SPATA17: variants seen among roughly 807,000 people sequenced by gnomAD.
SPATA17 encodes spermatogenesis-associated protein 17.
SPATA17 carries 53 observed loss-of-function variants against 62.2 expected under a neutral mutation model. The observed-to-expected ratio is 0.85, with a 90% CI of 0.68 to 1.07. SPATA17 has a LOEUF of 1.07. Among genes scored for constraint, SPATA17 ranks in the 50% least tolerant of loss-of-function variants. The pLI is 0.00. For synonymous variants in SPATA17, 146 were observed against 146.8 expected (o/e 0.99, Z 0.04); for missense variants, 466 against 425.5 (o/e 1.10, Z -0.84).
rs1471428147 is a variant in SPATA17, at chr1:217,867,364, T to G, written c.*345T>G. The G allele has an allele frequency of 6.6e-6, 1 of 152,128 alleles. No individual in the cohort carries two copies. Among genetic ancestry groups the G allele is most frequent in the Non-Finnish European group, 1.5e-5 (1 of 68,030 alleles). 9.4% of individuals were successfully genotyped at this position (152,128 alleles called of 1,614,324 possible). A position where few individuals can be genotyped will look rare whatever the true frequency, so the allele number is the denominator to read the frequency against. ...ATGACACCAGTGCTGGGTACCCAAA[T>G]TAAGGGCGACTAACATGTAAGTAGG... On this transcript the variant is annotated 3_prime_UTR_variant, in exon 11 of 11. Coordinates refer to ENST00000366933, the MANE Select transcript of SPATA17 (RefSeq NM_138796.4).
intron 3 of SPATA17, among the ~76,000 whole-genome samples, chr1:217,664,745 CTTTTA>C (rs1670655208): frequency 6.6e-6 from 1 of 151,994 alleles, no homozygotes; most frequent in Non-Finnish European, 1.5e-5. Flanking sequence ...GAAATGGGTT[CTTTTA>C]TTTATTTATT....
Position 217,651,145 on chromosome 1 carries a change from C to G in SPATA17, c.207C>G (p.Phe69Leu). The change falls in exon 3 of 11, where the codon TTC becomes TTG. Residue 69 changes from phenylalanine (F) to leucine (L), a missense_variant. Coordinates refer to ENST00000366933, the MANE Select transcript of SPATA17 (RefSeq NM_138796.4). ...VTIIQKWWRS[F>L]LGRKQYQLTV... ...TTATTCAAAAATGGTGGAGAAGTTT[C>G]TTAGGCAGAAAGCAATATCAACTAA... is the stretch of plus-strand genomic sequence containing the variant. 6.2e-7 allele frequency: 1 copy of G among 1,609,630 alleles called. No homozygotes were observed. The highest frequency in any genetic ancestry group is 8.5e-7 in the Non-Finnish European group (1 of 1,178,856).
chr1:217,777,766 C>T (rs1673629183), intron 7 of SPATA17, among the ~76,000 whole-genome samples: 1 of 152,026 alleles, frequency 6.6e-6, no homozygotes, highest in Non-Finnish European at 1.5e-5. Context: ...TCATTCGTTC[C>T]TTTACTAAAC....
chr1:217,742,133 CA>C, intron 6 of SPATA17, 35 bp downstream of exon 6: 1 of 1,611,088 alleles, frequency 6.2e-7, no homozygotes, highest in Non-Finnish European at 8.5e-7. Flanking sequence ...TCCTGTAAGC[CA>C]CTTGGGCCCC....
At chr1:217,812,397 A>C (rs190315848) in intron 9 of SPATA17, among the ~76,000 whole-genome samples, 1 of 152,126 alleles carries the variant, frequency 6.6e-6, no homozygotes, top group Non-Finnish European at 1.5e-5. Context: ...AAATAATACT[A>C]TTTTTCTCAA....
Position 217,871,449 on chromosome 1 carries a change from G to A in SPATA17, c.*4430G>A, listed in dbSNP as rs1676127418. 1 of 151,536 alleles carries A rather than the reference G, an allele frequency of 6.6e-6. No homozygotes were observed. The highest frequency in any genetic ancestry group is 1.5e-5 in the Non-Finnish European group (1 of 67,892). The allele number at this position is 151,536 out of a possible 1,614,324, so 9.4% of individuals were successfully genotyped here. ...TTTATTTTCACTTCCATTTTAAGCT[G>A]GCTCAAAGCCTTTTAGGAACAATAA... On this transcript the variant is annotated 3_prime_UTR_variant, in exon 11 of 11. Coordinates refer to ENST00000366933, the MANE Select transcript of SPATA17 (RefSeq NM_138796.4).
At chr1:217,778,347 C>G (rs1388158142) in intron 7 of SPATA17, among the ~76,000 whole-genome samples, 1 of 151,960 alleles carries the variant, frequency 6.6e-6, no homozygotes, top group African/African-American at 2.4e-5. Flanking sequence ...ATGGTGAAAC[C>G]CTGCCTCTAC....
intron 8 of SPATA17, among the ~76,000 whole-genome samples, chr1:217,801,271 A>G (rs1431824669): frequency 6.6e-6 from 1 of 152,176 alleles, no homozygotes; most frequent in Non-Finnish European, 1.5e-5. Flanking sequence ...AACTGCTACC[A>G]CTACCAATAA....
chr1:217,862,934 A>C, intron 10 of SPATA17, 78 bp downstream of exon 10: 2 of 871,186 alleles, frequency 2.3e-6, no homozygotes, highest in Non-Finnish European at 3.5e-6. Context: ...TGACTTAACT[A>C]TCAAGCATTT....
intron 5 of SPATA17, among the ~76,000 whole-genome samples, chr1:217,732,727 C>T (rs1672427828): frequency 6.6e-6 from 1 of 152,008 alleles, no homozygotes; most frequent in Admixed American, 6.6e-5. Flanking sequence ...AATATCTGCC[C>T]CCTACCAACC....
intron 9 of SPATA17, among the ~76,000 whole-genome samples, chr1:217,819,032 G>C (rs1558063759): frequency 6.6e-6 from 1 of 150,760 alleles, no homozygotes; most frequent in African/African-American, 2.4e-5. Context: ...TGTCTTTCTG[G>C]TTTTGGGTAC....
intron 5 of SPATA17, among the ~76,000 whole-genome samples, chr1:217,696,524 A>G (rs1379605977): frequency 2.0e-5 from 3 of 152,074 alleles, no homozygotes; most frequent in South Asian, 2.1e-4. Context: ...GCTCCTCCCC[A>G]AAAGTACTAT....
chr1:217,661,803 G>C (rs751036497), intron 3 of SPATA17, among the ~76,000 whole-genome samples: 2 of 152,064 alleles, frequency 1.3e-5, no homozygotes, highest in African/African-American at 4.8e-5. Context: ...CATGTGCTCA[G>C]TGCACATGCA....
chr1:217,641,882 C>T (rs1019737852), intron 1 of SPATA17, among the ~76,000 whole-genome samples: 1 of 152,126 alleles, frequency 6.6e-6, no homozygotes, highest in Admixed American at 6.6e-5. Context: ...GCTCCAATAA[C>T]GTTCTTTATA....
chr1:217,864,410 C>A (rs192085341), intron 10 of SPATA17, among the ~76,000 whole-genome samples: 1 of 152,002 alleles, frequency 6.6e-6, no homozygotes, highest in African/African-American at 2.4e-5. Flanking sequence ...TTTAAAAATG[C>A]CTACAATATA....
chr1:217,639,591 A>G (rs1670011225), intron 1 of SPATA17, among the ~76,000 whole-genome samples: 1 of 152,186 alleles, frequency 6.6e-6, no homozygotes, highest in African/African-American at 2.4e-5. Context: ...GATTTACCTT[A>G]TATTTAATTA....
At chr1:217,739,681 A>C (rs1392972704) in intron 5 of SPATA17, 2 of 152,132 alleles carry the variant, frequency 1.3e-5, no homozygotes. Context: ...CATCCTGCAC[A>C]CTGAGAAATA....
At chr1:217,674,949 A>G (rs1320167252) in intron 4 of SPATA17, among the ~76,000 whole-genome samples, 1 of 152,176 alleles carries the variant, frequency 6.6e-6, no homozygotes, top group Non-Finnish European at 1.5e-5. Flanking sequence ...TGGTTAAAAA[A>G]CATTATTGGG....
At chr1:217,792,965 T>G (rs976142341) in intron 8 of SPATA17, among the ~76,000 whole-genome samples, 3 of 152,344 alleles carry the variant, frequency 2.0e-5, no homozygotes, top group African/African-American at 4.8e-5. Context: ...ATGGAGGATT[T>G]GGATATGAGT....
Sources: gnomAD v4.1 joint callset for allele counts (sites outside exome capture counted in the v4.1 genomes callset) on GRCh38, gnomAD v4.1.1 for gene constraint, MANE v1.5 for transcripts, NCBI Gene and HGNC (gene_info 2026-07-23, HGNC 2026-07-21) for gene names.